The following GSTM5 variants were observed in gnomAD, a reference collection of about 807,000 sequenced individuals.
The protein encoded by GSTM5 is glutathione S-transferase mu 5.
Under a neutral mutation model 29.0 loss-of-function variants are expected in GSTM5, and 24 were observed. The observed-to-expected ratio is 0.83, with a 90% CI of 0.60 to 1.16. GSTM5 has a LOEUF of 1.16. Among genes scored for constraint, GSTM5 ranks in the 50% most tolerant of loss-of-function variants. GSTM5 has a pLI of 0.00. For synonymous variants in GSTM5, 91 were observed against 93.6 expected (o/e 0.97, Z 0.16); for missense variants, 290 against 263.0 (o/e 1.10, Z -0.71).
chr1:109,715,420 C>T, intron 7 of GSTM5, 180 bp downstream of exon 7: 1 of 1,550,036 alleles, frequency 6.5e-7, no homozygotes, highest in Non-Finnish European at 8.7e-7. Flanking sequence ...TCCAACATTC[C>T]TACAGGGTGA....
At chr1:109,716,383 C>T (rs544762165) in intron 7 of GSTM5, 19 of 159,730 alleles carry the variant, frequency 1.2e-4, no homozygotes, top group Middle Eastern at 3.0e-3. Flanking sequence ...GGGGAACAGC[C>T]GAGGGCTGGG....
Position 109,717,662 on chromosome 1 carries a change from T to C in GSTM5, c.*236T>C. 1 of 473,168 alleles carries C rather than the reference T, an allele frequency of 2.1e-6. No individual in the cohort carries two copies. Among genetic ancestry groups the C allele is most frequent in the Non-Finnish European group, 3.9e-6 (1 of 257,450 alleles). The allele number at this position is 473,168 out of a possible 1,614,324, so 29.3% of individuals were successfully genotyped here. On this transcript the variant is annotated 3_prime_UTR_variant, in exon 8 of 8. Coordinates refer to ENST00000256593, the MANE Select transcript of GSTM5 (RefSeq NM_000851.4). ...AAAGTCCCCCTCCTAACGTCTTCCT[T>C]TCCCTGCACTAACGCCAACCTGACT...
intron 7 of GSTM5, chr1:109,716,823 G>C (rs558988233): frequency 6.5e-6 from 1 of 154,624 alleles, no homozygotes; most frequent in East Asian, 1.9e-4. Context: ...ACCTCCCTGT[G>C]AAAAAGGAGA....
chr1:109,713,834 G>A, intron 5 of GSTM5, 73 bp downstream of exon 5: 1 of 1,323,176 alleles, frequency 7.6e-7, no homozygotes, highest in Non-Finnish European at 1.1e-6. Flanking sequence ...GACTTCCAAA[G>A]TCAGGTCTGT....
chr1:109,715,370 A>C (rs753093870), intron 7 of GSTM5, 130 bp downstream of exon 7: 1 of 1,592,676 alleles, frequency 6.3e-7, no homozygotes, highest in Non-Finnish European at 8.6e-7. Flanking sequence ...GCCAGGAATC[A>C]TGCCCAGCAC....
At position 109,713,693 on chromosome 1, in the gene GSTM5, G is replaced by T. The variant is rs1192503126; in HGVS notation, c.292G>T (p.Asp98Tyr). The change falls in exon 5 of 8, where the codon GAC becomes TAC. Residue 98 changes from aspartate (D) to tyrosine (Y), a missense_variant. Coordinates refer to ENST00000256593, the MANE Select transcript of GSTM5 (RefSeq NM_000851.4). ...GETEEEKIRV[D>Y]ILENQVMDNH... ...GACAGAAGAGGAGAAGATTCGTGTG[G>T]ACATTTTGGAGAACCAGGTTATGGA... 4 of 1,613,920 alleles carry T rather than the reference G, an allele frequency of 2.5e-6. No homozygotes were observed. In the South Asian group the frequency reaches 4.4e-5, roughly 18 times the overall value.
At position 109,712,336 on chromosome 1, in the gene GSTM5, G is replaced by C. The variant is rs1351524570; in HGVS notation, c.24G>C (p.Trp8Cys). 2.6e-5 allele frequency: 42 copies of C among 1,614,040 alleles called. No individual in the cohort carries two copies. Among genetic ancestry groups the C allele is most frequent in the Non-Finnish European group, 3.3e-5 (39 of 1,180,010 alleles). ...CCATGCCCATGACTCTGGGGTACTG[G>C]GACATCCGTGGGGTAAGCGAGGGTC... is the stretch of plus-strand genomic sequence containing the variant. MPMTLGY[W>C]DIRGLAHAIR... is the part of the protein sequence containing the mutation. The change falls in exon 1 of 8, where the codon TGG becomes TGC. Residue 8 changes from tryptophan (W) to cysteine (C), a missense_variant. By Grantham distance (215) the Trp-to-Cys change is radical (BLOSUM62 -2). Coordinates refer to ENST00000256593, the MANE Select transcript of GSTM5 (RefSeq NM_000851.4).
At chr1:109,712,220 G>T (rs1648541006), upstream of GSTM5, 5 of 1,364,422 alleles carry the variant, frequency 3.7e-6, no homozygotes, top group Admixed American at 8.5e-5. Context: ...GGGCGGGGTC[G>T]CAGCAAGGCC....
chr1:109,713,320 T>G (rs1648630460), intron 3 of GSTM5, 137 bp downstream of exon 3: 3 of 1,362,692 alleles, frequency 2.2e-6, no homozygotes, highest in Non-Finnish European at 3.1e-6. Context: ...TACACAGCCC[T>G]TGCATGATGT....
chr1:109,715,491 C>T, intron 7 of GSTM5: 1 of 1,486,564 alleles, frequency 6.7e-7, no homozygotes, highest in Non-Finnish European at 8.9e-7. Flanking sequence ...CAGTCCTTTG[C>T]TCAGGGTCCC....
intron 7 of GSTM5, chr1:109,716,216 G>C (rs1557972842): frequency 1.3e-5 from 3 of 225,842 alleles, no homozygotes; most frequent in Non-Finnish European, 1.8e-5. Context: ...TTGGGGATTT[G>C]AGGCATTAGT....
At chr1:109,714,010 C>G (rs1024239308) in intron 5 of GSTM5, 12 of 369,728 alleles carry the variant, frequency 3.2e-5, no homozygotes, top group African/African-American at 1.7e-4. Context: ...GTTTGTGAGT[C>G]TCCCCAGTGA....
rs546324417 is a variant in GSTM5, at chr1:109,713,378, C to G, written c.178-106C>G. 1.4e-4 allele frequency: 214 copies of G among 1,502,846 alleles called. No homozygotes were observed. In the South Asian group the frequency reaches 2.2e-3, roughly 15 times the overall value. The allele number at this position is 1,502,846 out of a possible 1,614,324, so 93.1% of individuals were successfully genotyped here. On this transcript the variant is annotated intron_variant, in intron 3 of 7. Coordinates refer to ENST00000256593, the MANE Select transcript of GSTM5 (RefSeq NM_000851.4). Reference sequence around the variant, plus strand: ...AGTGTGACAGTATTTCTATCTCAGGCCTGCCATGAGCAGGCCCTGGTCTCC... The same window carrying G: ...AGTGTGACAGTATTTCTATCTCAGGGCTGCCATGAGCAGGCCCTGGTCTCC...
At chr1:109,712,382 G>T in intron 1 of GSTM5, 34 bp downstream of exon 1, 1 of 1,609,104 alleles carries the variant, frequency 6.2e-7, no homozygotes, top group Non-Finnish European at 8.5e-7. Context: ...TGGGACAGGG[G>T]GCGGAGGCGG....
At chr1:109,713,957 C>G (rs774284896) in intron 5 of GSTM5, 196 bp downstream of exon 5, 2 of 451,792 alleles carry the variant, frequency 4.4e-6, no homozygotes, top group East Asian at 5.1e-5. Flanking sequence ...AACCAGACCA[C>G]GGACAACTGG....
At chr1:109,715,435 A>G in intron 7 of GSTM5, 195 bp downstream of exon 7, 1 of 1,542,016 alleles carries the variant, frequency 6.5e-7, no homozygotes, top group Non-Finnish European at 8.8e-7. Context: ...GGGTGACAGA[A>G]TTATCTTGCC....
intron 2 of GSTM5, 49 bp from the exon 3 acceptor site, chr1:109,713,070 G>A (rs753528006): frequency 1.9e-5 from 30 of 1,609,796 alleles, no homozygotes; most frequent in South Asian, 2.2e-5. Context: ...TCCCCGGGAA[G>A]GAGGGCTGGG....
chr1:109,712,270 G>A lies in GSTM5; in HGVS notation c.-43G>A, dbSNP rs1648543612. The A allele has an allele frequency of 4.3e-6, 7 of 1,612,132 alleles. No homozygotes were observed. The highest frequency in any genetic ancestry group is 5.9e-6 in the Non-Finnish European group (7 of 1,178,292). ...CTGGGCCTCTCAAAGTCTGAGCCCC[G>A]CTCCGCTGATGCCTGTCTGCAGAAT... On this transcript the variant is annotated 5_prime_UTR_variant, in exon 1 of 8. Transcript: ENST00000256593.
chr1:109,713,492 C>T lies in GSTM5; in HGVS notation c.186C>T (p.Tyr62=). 1 of 1,614,254 alleles carries T rather than the reference C, an allele frequency of 6.2e-7. No individual in the cohort carries two copies. The highest frequency in any genetic ancestry group is 1.1e-5 in the South Asian group (1 of 91,088). ...GTTTCCCATCTATCCAGCTGCCCTA[C>T]TTGATTGATGGGGCTCACAAGATCA... is the stretch of plus-strand genomic sequence containing the variant. The part of the protein sequence containing the change: ...KLGLDFPNLP[Y]LIDGAHKITQ... The change falls in exon 4 of 8, where the codon TAC becomes TAT. Residue 62 remains tyrosine (Y), a synonymous_variant. Transcript: ENST00000256593.
Sources: allele counts gnomAD v4.1 joint callset, GRCh38; gene constraint gnomAD v4.1.1; transcripts MANE v1.5; gene names NCBI Gene and HGNC (gene_info 2026-07-23, HGNC 2026-07-21).